Variants in ZDHHC23 observed in about 807,000 individuals in gnomAD.
ZDHHC23 encodes the protein palmitoyltransferase ZDHHC23.
Under a neutral mutation model 40.2 loss-of-function variants are expected in ZDHHC23, and 41 were observed. That is an observed-to-expected ratio of 1.02 (90% CI 0.79 to 1.32). The LOEUF (loss-of-function observed/expected upper bound fraction) is 1.32, where lower values mean the gene tolerates loss of function less well. Ranked by LOEUF, ZDHHC23 falls within the 40% of genes most tolerant of loss-of-function variation. The pLI, the probability that ZDHHC23 is intolerant of heterozygous loss-of-function variation, is 0.00. For synonymous variants in ZDHHC23, 204 were observed against 210.2 expected (o/e 0.97, Z 0.26); for missense variants, 471 against 541.5 (o/e 0.87, Z 1.29).
chr3:113,977,993 T>C, the ZDHHC23 span, among the ~76,000 whole-genome samples: 1 of 152,306 alleles, frequency 6.6e-6, no homozygotes, highest in Non-Finnish European at 1.5e-5. Context: ...CCCACTTCTC[T>C]TTTTAAAGAT....
intron 4 of ZDHHC23, among the ~76,000 whole-genome samples, chr3:113,957,396 A>C (rs556855916): frequency 6.2e-4 from 94 of 152,352 alleles, no homozygotes; most frequent in Middle Eastern, 3.4e-3. Flanking sequence ...CATTATTAGA[A>C]TAGATTGGTC....
the ZDHHC23 span, among the ~76,000 whole-genome samples, chr3:113,979,321 C>T: frequency 6.6e-6 from 1 of 152,176 alleles, no homozygotes; most frequent in Admixed American, 6.5e-5. Flanking sequence ...GGGTAGCTGG[C>T]AACATTCTCA....
At position 113,956,509 on chromosome 3, in the gene ZDHHC23, G is replaced by A; in HGVS notation, c.1040+3G>A. 6.2e-7 allele frequency: 1 copy of A among 1,612,274 alleles called. No individual in the cohort carries two copies. The highest frequency in any genetic ancestry group is 8.5e-7 in the Non-Finnish European group (1 of 1,179,326). The stretch of plus-strand genomic sequence containing the variant: ...CCTGGAGTTTATGCAAATTACAGGT[G>A]AGCAGTGGGTACCACAGTATGGAGG... On this transcript the variant is annotated splice_donor_region_variant and intron_variant, in intron 4 of 4. Transcript: ENST00000638807.
Position 113,954,149 on chromosome 3 carries a change from CT to C in ZDHHC23, c.612del (p.Leu205Ter). The C allele has an allele frequency of 1.2e-6, 2 of 1,614,222 alleles. No individual in the cohort carries two copies. Among genetic ancestry groups the C allele is most frequent in the Non-Finnish European group, 1.7e-6 (2 of 1,180,028 alleles). On this transcript the variant is annotated frameshift_variant, in exon 3 of 5. Coordinates refer to ENST00000638807, the MANE Select transcript of ZDHHC23 (RefSeq NM_001320466.2). LOFTEE classifies it high-confidence loss of function. ...YLSNPASGDR[S>X]LSSSQLECLS... Reference sequence around the variant, plus strand: ...AGCAATCCAGCAAGCGGTGACAGATCTCTAAGCAGCAGCCAGCTGGAGTGCC... The same window carrying C: ...AGCAATCCAGCAAGCGGTGACAGATCCTAAGCAGCAGCCAGCTGGAGTGCC...
At position 113,961,392 on chromosome 3, in the gene ZDHHC23, T is replaced by C. The variant is rs1480963299; in HGVS notation, c.*2762T>C. On this transcript the variant is annotated 3_prime_UTR_variant, in exon 5 of 5. Transcript: ENST00000638807. The stretch of plus-strand genomic sequence containing the variant: ...ATTTGAAAGATTCAAGGGAGAAAGA[T>C]TAAGGATCAGGATTGCATGAAAGAA... 2 of 152,592 alleles carry C rather than the reference T, an allele frequency of 1.3e-5. No individual in the cohort carries two copies. The highest frequency in any genetic ancestry group is 2.9e-5 in the Non-Finnish European group (2 of 68,056). The allele number at this position is 152,592 out of a possible 1,614,324, so 9.5% of individuals were successfully genotyped here.
rs1938952950 is a variant in ZDHHC23, at chr3:113,954,198, G to T, written c.660G>T (p.Lys220Asn). 1.2e-6 allele frequency: 2 copies of T among 1,614,216 alleles called. No homozygotes were observed. The highest frequency in any genetic ancestry group is 3.3e-5 in the Admixed American group (2 of 60,034). Reference protein sequence around the residue: ...LECLSRKGQEKTKGFPGADMS... With the variant: ...LECLSRKGQENTKGFPGADMS... ...GCCTGAGCAGAAAAGGGCAGGAGAA[G>T]ACCAAAGGGTTCCCTGGGGCAGACA... is the stretch of plus-strand genomic sequence containing the variant. Residue 220 changes from lysine to asparagine, a missense_variant, in exon 3 of 5, where the codon AAG becomes AAT. Around this residue, in one of 3 missense-constraint regions of ZDHHC23, gnomAD observed 346 missense variants for 399.8 expected, o/e 0.87. Coordinates refer to ENST00000638807, the MANE Select transcript of ZDHHC23 (RefSeq NM_001320466.2).
chr3:113,953,710 T>C lies in ZDHHC23; in HGVS notation c.172T>C (p.Cys58Arg). The stretch of plus-strand genomic sequence containing the variant: ...GCTTTTTCTGAATAGATGGATTACA[T>C]GTAAATCTTTACAGCCAGAGACTTG... ...LDEGCDRWITCKSLQPETCER... is the reference protein window; with the variant it reads ...LDEGCDRWITRKSLQPETCER... The change falls in exon 3 of 5, where the codon TGT becomes CGT. Residue 58 changes from cysteine (C) to arginine (R), a missense_variant. Physicochemically the swap from Cys to Arg is radical, Grantham distance 180. Around this residue, in one of 3 missense-constraint regions of ZDHHC23, gnomAD observed 42 missense variants for 73.9 expected, o/e 0.57. Coordinates refer to ENST00000638807, the MANE Select transcript of ZDHHC23 (RefSeq NM_001320466.2). The C allele has an allele frequency of 6.2e-7, 1 of 1,613,000 alleles. No individual in the cohort carries two copies. The highest frequency in any genetic ancestry group is 8.5e-7 in the Non-Finnish European group (1 of 1,179,358).
chr3:113,957,834 C>G (rs60238096), intron 4 of ZDHHC23: 1 of 518,410 alleles, frequency 1.9e-6, no homozygotes, highest in Non-Finnish European at 3.9e-6. Flanking sequence ...TGGAATGTCT[C>G]GGTGTTCCTA....
At position 113,948,069 on chromosome 3, in the gene ZDHHC23, C is replaced by G. The variant is rs980481776; in HGVS notation, c.-239C>G. The stretch of plus-strand genomic sequence containing the variant: ...GAGCGGAGCCCGGGTCCCGGAGACT[C>G]CTGCCGTCACGCCCGGGGCTCCGCG... On this transcript the variant is annotated 5_prime_UTR_variant, in exon 1 of 5. Coordinates refer to ENST00000638807, the MANE Select transcript of ZDHHC23 (RefSeq NM_001320466.2). 4.6e-5 allele frequency: 7 copies of G among 151,968 alleles called. No homozygotes were observed. The highest frequency in any genetic ancestry group is 1.7e-4 in the African/African-American group (7 of 41,522). The allele number at this position is 151,968 out of a possible 1,614,324, so 9.4% of individuals were successfully genotyped here.
At chr3:113,955,389 T>TGTGTGCGC (rs368956826) in intron 3 of ZDHHC23, among the ~76,000 whole-genome samples, 1 of 140,150 alleles carries the variant, frequency 7.1e-6, no homozygotes, top group African/African-American at 2.7e-5. Flanking sequence ...TGTGTGTGTG[T>TGTGTGCGC]GTGCGTGTGT....
chr3:113,964,995 G>A (rs1231067531), downstream of ZDHHC23: 1 of 445,680 alleles, frequency 2.2e-6, no homozygotes, highest in Non-Finnish European at 3.9e-6. Context: ...TCCAGGAAAA[G>A]TCAAAGAAGG....
intron 3 of ZDHHC23, among the ~76,000 whole-genome samples, chr3:113,955,361 T>C (rs1190362779): frequency 1.9e-5 from 1 of 53,378 alleles, no homozygotes. Context: ...CACTTATTCG[T>C]GTGTGTGTGT....
rs773086817 is a variant in ZDHHC23 at position 113,958,680 on chromosome 3, C to T, written c.*50C>T. ...GGGATGATGGCTCCTCCTTCCGTCTCCCTTCCATTTTACACTTCAGTGTCC... is the reference window on the plus strand; with the variant it reads ...GGGATGATGGCTCCTCCTTCCGTCTTCCTTCCATTTTACACTTCAGTGTCC... On this transcript the variant is annotated 3_prime_UTR_variant, in exon 5 of 5. Coordinates refer to ENST00000638807, the MANE Select transcript of ZDHHC23 (RefSeq NM_001320466.2). 2 of 1,593,888 alleles carry T rather than the reference C, an allele frequency of 1.3e-6. No individual in the cohort carries two copies. Among genetic ancestry groups the T allele is most frequent in the Admixed American group, 1.7e-5 (1 of 59,586 alleles).
the ZDHHC23 span, chr3:113,979,038 T>C: frequency 6.2e-7 from 1 of 1,600,076 alleles, no homozygotes; most frequent in Non-Finnish European, 8.6e-7. Flanking sequence ...TGAGAAATAT[T>C]ATTCCTTAAA....
At chr3:113,971,935 A>AT in the ZDHHC23 span, among the ~76,000 whole-genome samples, 1 of 151,726 alleles carries the variant, frequency 6.6e-6, no homozygotes, top group Non-Finnish European at 1.5e-5. Context: ...AAATTTATCC[A>AT]TTTCTTCTAT....
rs1192128805 is a variant in ZDHHC23, at chr3:113,960,771, CTG to C, written c.*2145_*2146del. The C allele has an allele frequency of 6.5e-7, 1 of 1,542,578 alleles. No individual in the cohort carries two copies. Reference sequence around the variant, plus strand: ...TCCTTCCCATGGATAGGAAGGGACTCTGTGTATTATTCAGGTTTATTGGCACG... The same window carrying C: ...TCCTTCCCATGGATAGGAAGGGACTCTGTATTATTCAGGTTTATTGGCACG... On this transcript the variant is annotated 3_prime_UTR_variant, in exon 5 of 5. Transcript: ENST00000638807.
chr3:113,959,891 T>C lies in ZDHHC23; in HGVS notation c.*1261T>C, dbSNP rs888254540. On this transcript the variant is annotated 3_prime_UTR_variant, in exon 5 of 5. Coordinates refer to ENST00000638807, the MANE Select transcript of ZDHHC23 (RefSeq NM_001320466.2). ...CTTCCGACAATAACAAGTTGTTTCTTTAATCATATCTTAAAACCGAAAATG... is the reference window on the plus strand; with the variant it reads ...CTTCCGACAATAACAAGTTGTTTCTCTAATCATATCTTAAAACCGAAAATG... 1 of 1,002,498 alleles carries C rather than the reference T, an allele frequency of 1.0e-6. No individual in the cohort carries two copies. Among genetic ancestry groups the C allele is most frequent in the African/African-American group, 1.7e-5 (1 of 58,318 alleles). The allele number at this position is 1,002,498 out of a possible 1,614,324, so 62.1% of individuals were successfully genotyped here.
chr3:113,974,625 C>T, the ZDHHC23 span, among the ~76,000 whole-genome samples: 1 of 151,980 alleles, frequency 6.6e-6, no homozygotes, highest in Non-Finnish European at 1.5e-5. Flanking sequence ...GGCCAACTCG[C>T]TGTTGTTTCT....
chr3:113,967,963 G>A (rs1450406323), downstream of ZDHHC23, among the ~76,000 whole-genome samples: 4 of 152,102 alleles, frequency 2.6e-5, no homozygotes, highest in African/African-American at 9.7e-5. Flanking sequence ...GCAAATGACA[G>A]GATTTCATTC....
Sources: allele counts gnomAD v4.1 joint callset (sites outside exome capture counted in the v4.1 genomes callset), GRCh38; gene constraint gnomAD v4.1.1; regional missense constraint gnomAD v4.1.1; transcripts MANE v1.5; gene names NCBI Gene and HGNC (gene_info 2026-07-23, HGNC 2026-07-21).